PCDHGA7: variants seen among roughly 807,000 people sequenced by gnomAD.
PCDHGA7 encodes the protein protocadherin gamma-A7.
Under a neutral mutation model 58.3 loss-of-function variants are expected in PCDHGA7, and 44 were observed. The observed-to-expected ratio is 0.75, with a 90% CI of 0.59 to 0.97. The LOEUF is 0.97. Among genes scored for constraint, PCDHGA7 ranks in the 50% least tolerant of loss-of-function variants. The pLI, the probability that PCDHGA7 is intolerant of heterozygous loss-of-function variation, is 0.00. For synonymous variants in PCDHGA7, 516 were observed against 504.2 expected, an observed-to-expected ratio of 1.02 and a Z score of -0.31; for missense variants, 1,266 against 1,188.7, an observed-to-expected ratio of 1.06 and a Z score of -0.96.
intron 1 of PCDHGA7, among the ~76,000 whole-genome samples, chr5:141,459,095 G>A (rs61275874): frequency 0.28 from 42,440 of 152,066 alleles, 6,652 homozygotes; most frequent in African/African-American, 0.43. Context: ...ATTATACAGT[G>A]CAATGCATTT....
intron 1 of PCDHGA7, chr5:141,385,640 A>G (rs917789862): frequency 1.2e-6 from 1 of 803,664 alleles, no homozygotes; most frequent in South Asian, 4.4e-5. Context: ...CGAGTCTTTC[A>G]TATTGCACAA....
chr5:141,456,390 T>G (rs1007800936), intron 1 of PCDHGA7, among the ~76,000 whole-genome samples: 2 of 152,114 alleles, frequency 1.3e-5, no homozygotes, highest in African/African-American at 4.8e-5. Context: ...CGTTTGGAGT[T>G]TGATTGCTTC....
At chr5:141,501,036 T>C (rs893597004) in intron 2 of PCDHGA7, among the ~76,000 whole-genome samples, 4 of 151,702 alleles carry the variant, frequency 2.6e-5, no homozygotes, top group Non-Finnish European at 4.4e-5. Flanking sequence ...GCCCAGCTAA[T>C]TTTTGTATTT....
Position 141,487,831 on chromosome 5 carries a change from A to G in PCDHGA7, c.2425-6976A>G, listed in dbSNP as rs1001896359. ...TTAGCATTGGGGGCGGGTCATGCCTATATCTGAGTAAGAAATGAAAGTAAT... is the reference window on the plus strand; with the variant it reads ...TTAGCATTGGGGGCGGGTCATGCCTGTATCTGAGTAAGAAATGAAAGTAAT... On this transcript the variant is annotated intron_variant, in intron 1 of 3. Transcript: ENST00000518325. This position sits in a 1 kb window ranked among gnomAD's most constrained non-coding sequence, Gnocchi z 5.0. The G allele has an allele frequency of 1.1e-5, 13 of 1,144,204 alleles. No homozygotes were observed. Among genetic ancestry groups the G allele is most frequent in the Non-Finnish European group, 1.6e-5 (13 of 818,302 alleles). 70.9% of individuals were successfully genotyped at this position (1,144,204 alleles called of 1,614,324 possible). A position where few individuals can be genotyped will look rare whatever the true frequency, so the allele number is the denominator to read the frequency against.
chr5:141,408,556 T>C (rs1215804867), intron 1 of PCDHGA7: 3 of 1,613,940 alleles, frequency 1.9e-6, no homozygotes, highest in Non-Finnish European at 2.5e-6. Context: ...ATATTTTTCA[T>C]GTCATTGTGG....
chr5:141,423,364 C>G (rs1299667864), intron 1 of PCDHGA7: 2 of 1,614,102 alleles, frequency 1.2e-6, no homozygotes, highest in East Asian at 4.5e-5. Flanking sequence ...CATCGTGCTG[C>G]TGGCACTCAG....
At chr5:141,418,685 G>A (rs750217981) in intron 1 of PCDHGA7, 1 of 1,614,056 alleles carries the variant, frequency 6.2e-7, no homozygotes, top group African/African-American at 1.3e-5. Context: ...CATCAACTCA[G>A]AGATCACTTA....
Position 141,427,512 on chromosome 5 carries a change from T to A in PCDHGA7, c.2424+42189T>A, listed in dbSNP as rs1483922394. ...GCTTGTAACAGATGGGACCCTGGATTGGGAGCGGATCCCGGAGTACAACGT... is the reference window on the plus strand; with the variant it reads ...GCTTGTAACAGATGGGACCCTGGATAGGGAGCGGATCCCGGAGTACAACGT... On this transcript the variant is annotated intron_variant, in intron 1 of 3. Transcript: ENST00000518325. 1.2e-5 allele frequency: 7 copies of A among 592,748 alleles called. No homozygotes were observed. The Admixed American group carries it at 1.3e-4, about 11-fold the overall frequency. 36.7% of individuals were successfully genotyped at this position (592,748 alleles called of 1,614,324 possible). A position where few individuals can be genotyped will look rare whatever the true frequency, so the allele number is the denominator to read the frequency against.
In PCDHGA7 at chr5:141,472,980, C is replaced by CAAAA. The variant is rs60579131; in HGVS notation, c.2425-21813_2425-21810dup. ...CAGCCTGGGGAACAAGAGTGAAACT[C>CAAAA]AAAAAAAAAAAAAAAAAGAAAGAAA... On this transcript the variant is annotated intron_variant, in intron 1 of 3. Transcript: ENST00000518325. 5.5e-3 allele frequency among the ~76,000 whole-genome samples: 472 copies of CAAAA among 85,978 alleles called. 4 individuals carry two copies. The highest frequency in any genetic ancestry group is 0.013 in the Admixed American group (104 of 8,158). The allele number at this position is 85,978 out of a possible 152,430, so 56.4% of individuals were successfully genotyped here. A position where few individuals can be genotyped will look rare whatever the true frequency, so the allele number is the denominator to read the frequency against.
intron 1 of PCDHGA7, chr5:141,409,633 TG>T: frequency 6.2e-7 from 1 of 1,613,852 alleles, no homozygotes; most frequent in Non-Finnish European, 8.5e-7. Context: ...TGAGCGCCTC[TG>T]ACCCGGATTT....
intron 1 of PCDHGA7, chr5:141,422,008 C>T (rs767148055): frequency 1.2e-5 from 20 of 1,609,502 alleles, no homozygotes; most frequent in Admixed American, 5.1e-5. Context: ...CTCCGGAACT[C>T]GGGTGCTGAT....
intron 1 of PCDHGA7, chr5:141,427,862 C>T (rs748112227): frequency 2.6e-6 from 4 of 1,556,778 alleles, no homozygotes; most frequent in East Asian, 4.5e-5. Context: ...TGTGCGCCTT[C>T]GAGCTCACGA....
intron 1 of PCDHGA7, among the ~76,000 whole-genome samples, chr5:141,488,118 A>G (rs1054356891): frequency 2.7e-4 from 41 of 152,190 alleles, no homozygotes; most frequent in Non-Finnish European, 2.9e-5. Context: ...AAACATAGAG[A>G]CAGCAGAAAG....
chr5:141,431,648 A>G lies in PCDHGA7; in HGVS notation c.2424+46325A>G. 2 of 1,614,240 alleles carry G rather than the reference A, an allele frequency of 1.2e-6. No individual in the cohort carries two copies. The highest frequency in any genetic ancestry group is 1.7e-6 in the Non-Finnish European group (2 of 1,180,046). On this transcript the variant is annotated intron_variant, in intron 1 of 3. Transcript: ENST00000518325. The surrounding 1 kb of genome is among the most constrained non-coding windows in gnomAD (Gnocchi z 4.8). ...GGCCCAAGTTTTCAAACTAGATTGT[A>G]ATTCAGGGACAATATCAACAATAGG...
intron 1 of PCDHGA7, chr5:141,475,801 A>G: frequency 3.2e-6 from 1 of 312,546 alleles, no homozygotes. Flanking sequence ...AGGAAGCCAA[A>G]GGAAAGTGAA....
At chr5:141,408,714 A>G (rs771519650) in intron 1 of PCDHGA7, 8 of 1,612,346 alleles carry the variant, frequency 5.0e-6, no homozygotes, top group Non-Finnish European at 6.8e-6. Context: ...AAAGATTATA[A>G]GATAAACTCT....
chr5:141,456,712 C>T (rs1025899058), intron 1 of PCDHGA7, among the ~76,000 whole-genome samples: 2 of 152,190 alleles, frequency 1.3e-5, no homozygotes, highest in African/African-American at 4.8e-5. Context: ...CGCCTGTAAT[C>T]CCAGCACTTT....
chr5:141,476,597 G>C lies in PCDHGA7; in HGVS notation c.2425-18210G>C, dbSNP rs2099394582. On this transcript the variant is annotated intron_variant, in intron 1 of 3. Coordinates refer to ENST00000518325, the MANE Select transcript of PCDHGA7 (RefSeq NM_018920.4). The surrounding 1 kb of genome is among the most constrained non-coding windows in gnomAD (Gnocchi z 7.6). ...GCGCTTTCCGCTCGAGAGCGCGCAC[G>C]ATCCCGATGTGGGAAGCAACTCTTT... The C allele has an allele frequency of 1.2e-6, 2 of 1,614,112 alleles. No individual in the cohort carries two copies. The highest frequency in any genetic ancestry group is 1.7e-6 in the Non-Finnish European group (2 of 1,180,046).
chr5:141,410,104 C>T, intron 1 of PCDHGA7: 1 of 1,612,582 alleles, frequency 6.2e-7, no homozygotes, highest in African/African-American at 1.3e-5. Context: ...CCTTAGGCGA[C>T]AGGGACGCAG....
Sources: gnomAD v4.1 joint callset for allele counts (sites outside exome capture counted in the v4.1 genomes callset) on GRCh38, gnomAD v4.1.1 for gene constraint, Gnocchi (gnomAD v3.1) non-coding constraint, MANE v1.5 for transcripts, NCBI Gene and HGNC (gene_info 2026-07-23, HGNC 2026-07-21) for gene names.